The following PDE10A variants were observed in gnomAD, a reference collection of about 807,000 sequenced individuals.
PDE10A encodes the protein cAMP and cAMP-inhibited cGMP 3',5'-cyclic phosphodiesterase 10A.
A neutral mutation model predicts 97.7 loss-of-function variants in PDE10A; 39 were observed. The ratio of observed to expected loss-of-function variants is 0.40; its 90% CI spans 0.31 to 0.52. The LOEUF (loss-of-function observed/expected upper bound fraction) is 0.52, where lower values mean the gene tolerates loss of function less well. Among genes scored for constraint, PDE10A ranks in the 20% least tolerant of loss-of-function variants. PDE10A has a pLI of 0.56. For synonymous variants in PDE10A, 371 were observed against 376.8 expected (o/e 0.98, Z 0.18); for missense variants, 731 against 1,047.8 (o/e 0.70, Z 4.17).
rs913051336 is a variant in PDE10A, at chr6:165,565,109, A to G, written c.866-21541T>C. Among the ~76,000 whole-genome samples, 6 of 152,374 alleles carry G rather than the reference A, an allele frequency of 3.9e-5. No individual in the cohort carries two copies. The South Asian group carries it at 6.2e-4, about 16-fold the overall frequency. On this transcript the variant is annotated intron_variant, in intron 1 of 21. Transcript: ENST00000539869. ...AGAGCTACAAGTCTTAGCTAATGCA[A>G]TAAGACAAGAATAGAGAACTAAAGG... is the stretch of plus-strand genomic sequence containing the variant.
intron 1 of PDE10A, among the ~76,000 whole-genome samples, chr6:165,761,448 G>T (rs967744030): frequency 1.6e-4 from 18 of 113,888 alleles, no homozygotes; most frequent in African/African-American, 8.8e-4. Context: ...CCCTCCATGC[G>T]GGTCACCCAC....
At chr6:165,673,164 A>G (rs756744996) in intron 1 of PDE10A, among the ~76,000 whole-genome samples, 4 of 152,210 alleles carry the variant, frequency 2.6e-5, no homozygotes, top group Non-Finnish European at 5.9e-5. Flanking sequence ...AATCAGTGAA[A>G]ATTTCAACTT....
intron 1 of PDE10A, among the ~76,000 whole-genome samples, chr6:165,748,478 T>C (rs1319440665): frequency 6.6e-6 from 1 of 152,214 alleles, no homozygotes; most frequent in African/African-American, 2.4e-5. Flanking sequence ...AAAGGTTGCA[T>C]TTTCCCCCTT....
intron 1 of PDE10A, among the ~76,000 whole-genome samples, chr6:165,562,273 T>A (rs1422222310): frequency 1.3e-5 from 2 of 152,204 alleles, no homozygotes; most frequent in Non-Finnish European, 2.9e-5. Flanking sequence ...ATATTATGTA[T>A]AAAATAGAAT....
intron 1 of PDE10A, among the ~76,000 whole-genome samples, chr6:165,901,441 C>A (rs1477711292): frequency 1.3e-5 from 2 of 152,206 alleles, no homozygotes; most frequent in Non-Finnish European, 2.9e-5. Context: ...CTCATCAGGG[C>A]TCCGGGTCTC....
intron 3 of PDE10A, among the ~76,000 whole-genome samples, chr6:165,455,883 T>C (rs1040085954): frequency 1.3e-5 from 2 of 152,212 alleles, no homozygotes; most frequent in African/African-American, 4.8e-5. Context: ...TAGCTCCAGA[T>C]TTTTGTCCAA....
chr6:165,725,769 T>C (rs191475001), intron 1 of PDE10A, among the ~76,000 whole-genome samples: 31 of 152,330 alleles, frequency 2.0e-4, no homozygotes, highest in Non-Finnish European at 1.2e-4. Flanking sequence ...TTATCCCCCA[T>C]GCTCCTGTTT....
At chr6:165,723,822 G>C (rs933908027) in intron 1 of PDE10A, among the ~76,000 whole-genome samples, 2 of 150,932 alleles carry the variant, frequency 1.3e-5, no homozygotes, top group Non-Finnish European at 2.9e-5. Context: ...GGGAGGTATG[G>C]GAACAAACGA....
intron 1 of PDE10A, among the ~76,000 whole-genome samples, chr6:165,545,031 G>A (rs913920373): frequency 1.3e-5 from 2 of 151,986 alleles, no homozygotes; most frequent in African/African-American, 4.8e-5. Context: ...AAAACAAAAG[G>A]TGCAGGATAC....
At chr6:165,716,224 A>C (rs1347235675) in intron 1 of PDE10A, among the ~76,000 whole-genome samples, 1 of 152,192 alleles carries the variant, frequency 6.6e-6, no homozygotes. Flanking sequence ...CAAAATTCAC[A>C]AATTATTGAC....
chr6:165,646,251 C>T (rs1239235171), intron 1 of PDE10A, among the ~76,000 whole-genome samples: 4 of 152,190 alleles, frequency 2.6e-5, no homozygotes, highest in Non-Finnish European at 4.4e-5. Context: ...TTTCTGGAAA[C>T]GGCTCTCCAT....
chr6:165,840,425 T>C (rs538365787), intron 1 of PDE10A, among the ~76,000 whole-genome samples: 5 of 152,358 alleles, frequency 3.3e-5, no homozygotes, highest in Admixed American at 2.0e-4. Context: ...CATTTTTCCC[T>C]AAAATGTTGC....
chr6:165,567,626 G>C (rs1784838033), intron 1 of PDE10A, among the ~76,000 whole-genome samples: 1 of 152,072 alleles, frequency 6.6e-6, no homozygotes, highest in African/African-American at 2.4e-5. Flanking sequence ...AACAGGCTCA[G>C]TAACCAGGTA....
At chr6:165,683,363 G>T (rs1289080672) in intron 1 of PDE10A, among the ~76,000 whole-genome samples, 1 of 152,042 alleles carries the variant, frequency 6.6e-6, no homozygotes, top group African/African-American at 2.4e-5. Flanking sequence ...AAATCAGAAA[G>T]GACTTATTTA....
intron 2 of PDE10A, among the ~76,000 whole-genome samples, chr6:165,486,939 T>C (rs1351592864): frequency 1.3e-5 from 2 of 152,214 alleles, no homozygotes; most frequent in Non-Finnish European, 2.9e-5. Flanking sequence ...GTTTCAAACA[T>C]TAGCAGAGAT....
chr6:165,410,954 G>A (rs71553121), intron 13 of PDE10A, among the ~76,000 whole-genome samples: 9,375 of 30,340 alleles, frequency 0.31, 3,885 homozygotes, highest in Middle Eastern at 0.5. Flanking sequence ...CGGGCGTGGT[G>A]GCGGTGCCTG....
intron 2 of PDE10A, among the ~76,000 whole-genome samples, chr6:165,537,033 T>C (rs1011795917): frequency 5.5e-4 from 83 of 152,016 alleles, no homozygotes; most frequent in African/African-American, 2.0e-3. Flanking sequence ...CCGAAATATG[T>C]AATCAACCTA....
chr6:165,494,902 C>T (rs1009433981), intron 2 of PDE10A, among the ~76,000 whole-genome samples: 9 of 152,176 alleles, frequency 5.9e-5, no homozygotes, highest in Non-Finnish European at 1.0e-4. Flanking sequence ...TCTCAATTTG[C>T]CTTTCAGGCT....
At chr6:165,568,153 C>T (rs544240114) in intron 1 of PDE10A, among the ~76,000 whole-genome samples, 256 of 152,082 alleles carry the variant, frequency 1.7e-3, no homozygotes, top group Non-Finnish European at 3.1e-3. Context: ...CGCCCGCCAC[C>T]ACGCCTGGCT....
Sources: gnomAD v4.1 joint callset for allele counts (sites outside exome capture counted in the v4.1 genomes callset) on GRCh38, gnomAD v4.1.1 for gene constraint, MANE v1.5 for transcripts, NCBI Gene and HGNC (gene_info 2026-07-23, HGNC 2026-07-21) for gene names.